The following NR3C1 variants were observed in gnomAD, a reference collection of about 807,000 sequenced individuals.
The protein encoded by NR3C1 is glucocorticoid receptor.
Under a neutral mutation model 74.0 loss-of-function variants are expected in NR3C1, and 14 were observed. That is an observed-to-expected ratio of 0.19 (90% CI 0.12 to 0.30). The LOEUF (loss-of-function observed/expected upper bound fraction) is 0.30. Ranked by LOEUF, NR3C1 falls within the 10% of genes least tolerant of loss-of-function variation. NR3C1 has a pLI of 1.00. For missense variants in NR3C1, 695 were observed against 909.8 expected (o/e 0.76, Z 3.04); for synonymous variants, 308 against 332.5 (o/e 0.93, Z 0.80).
chr5:143,298,564 G>C, intron 6 of NR3C1, 104 bp downstream of exon 6: 1 of 1,263,316 alleles, frequency 7.9e-7, no homozygotes. Context: ...TACCTAGTAG[G>C]ATTGTTTCAG....
chr5:143,359,225 T>C (rs2151814996), intron 2 of NR3C1, among the ~76,000 whole-genome samples: 2 of 152,288 alleles, frequency 1.3e-5, no homozygotes, highest in South Asian at 4.1e-4. Flanking sequence ...CGTATAAAAA[T>C]AAAGCCCAAA....
chr5:143,427,000 C>T lies in NR3C1; in HGVS notation c.-14+7532G>A, dbSNP rs182814697. On this transcript the variant is annotated intron_variant, in intron 1 of 8. Transcript: ENST00000343796. Reference sequence around the variant, plus strand: ...AGTCCATAAATCATACAGACTTAACCTTGTTTATTAAAGCAGGTCTTTTTC... The same window carrying T: ...AGTCCATAAATCATACAGACTTAACTTTGTTTATTAAAGCAGGTCTTTTTC... 2.6e-5 allele frequency among the ~76,000 whole-genome samples: 4 copies of T among 152,276 alleles called. No homozygotes were observed. The East Asian group carries it at 7.7e-4, about 29-fold the overall frequency.
intron 6 of NR3C1, 63 bp downstream of exon 6, chr5:143,298,605 G>A: frequency 6.4e-7 from 1 of 1,550,544 alleles, no homozygotes; most frequent in Non-Finnish European, 8.9e-7. Context: ...AGTCAATCAG[G>A]AAAACATCAG....
chr5:143,417,654 G>A (rs115535359), intron 1 of NR3C1, among the ~76,000 whole-genome samples: 2 of 152,228 alleles, frequency 1.3e-5, no homozygotes, highest in South Asian at 4.1e-4. Flanking sequence ...CAGAAAGTGA[G>A]ATAGCCCTGT....
rs145740393 is a variant in NR3C1 at position 143,374,308 on chromosome 5, C to G, written c.1184+25348G>C. 6.6e-5 allele frequency among the ~76,000 whole-genome samples: 10 copies of G among 152,038 alleles called. No individual in the cohort carries two copies. In the East Asian group the frequency reaches 1.2e-3, roughly 18 times the overall value. On this transcript the variant is annotated intron_variant, in intron 2 of 8. Coordinates refer to ENST00000394464, the MANE Select transcript of NR3C1 (RefSeq NM_000176.3). ...GAGATCGGGACCATCCTGGCTAACACAGTGAAACCCCGACTCTACTAAAAA... is the reference window on the plus strand; with the variant it reads ...GAGATCGGGACCATCCTGGCTAACAGAGTGAAACCCCGACTCTACTAAAAA...
At chr5:143,350,182 A>G (rs1829987131) in intron 2 of NR3C1, among the ~76,000 whole-genome samples, 1 of 152,154 alleles carries the variant, frequency 6.6e-6, no homozygotes, top group Non-Finnish European at 1.5e-5. Flanking sequence ...TAAAGAGGGG[A>G]CTAATCTGAT....
intron 2 of NR3C1, among the ~76,000 whole-genome samples, chr5:143,353,748 C>T (rs1473554299): frequency 1.3e-5 from 2 of 152,056 alleles, no homozygotes; most frequent in Non-Finnish European, 2.9e-5. Flanking sequence ...TTCTAGAGTA[C>T]AAGCAGAGTA....
chr5:143,281,918 T>G lies in NR3C1; in HGVS notation c.2305A>C (p.Ile769Leu). Residue 769 changes from isoleucine to leucine, a missense_variant, in exon 9 of 9, where the codon ATC (isoleucine) becomes CTC (leucine). Transcript: ENST00000394464. ...TTTTGATGAAACAGAAGTTTTTTGA[T>G]ATTTCCATTTGAATATTTTGGTATC... ...NQIPKYSNGN[I>L]KKLLFHQK The G allele has an allele frequency of 6.2e-7, 1 of 1,613,634 alleles. No homozygotes were observed. The highest frequency in any genetic ancestry group is 8.5e-7 in the Non-Finnish European group (1 of 1,179,696).
At chr5:143,424,439 A>G (rs1600683752) in intron 1 of NR3C1, among the ~76,000 whole-genome samples, 1 of 152,126 alleles carries the variant, frequency 6.6e-6, no homozygotes. Context: ...TGATTTGATC[A>G]TTATATGGTG....
intron 6 of NR3C1, among the ~76,000 whole-genome samples, chr5:143,298,128 A>G (rs1331018833): frequency 6.6e-6 from 1 of 152,228 alleles, no homozygotes; most frequent in Non-Finnish European, 1.5e-5. Context: ...AGCTTAGAGG[A>G]TAAGAGAATA....
intron 2 of NR3C1, among the ~76,000 whole-genome samples, chr5:143,377,626 G>A (rs982850995): frequency 4.6e-5 from 7 of 152,232 alleles, no homozygotes; most frequent in Non-Finnish European, 5.9e-5. Flanking sequence ...GCAGTGCAGC[G>A]CTGAAAAGGT....
At chr5:143,328,808 C>T (rs1293169605) in intron 2 of NR3C1, among the ~76,000 whole-genome samples, 3 of 152,150 alleles carry the variant, frequency 2.0e-5, no homozygotes, top group Non-Finnish European at 4.4e-5. Context: ...CTCCAGTTCC[C>T]AATAAGTTCC....
intron 2 of NR3C1, among the ~76,000 whole-genome samples, chr5:143,360,831 C>T (rs909443856): frequency 1.3e-5 from 2 of 152,124 alleles, no homozygotes; most frequent in Non-Finnish European, 2.9e-5. Flanking sequence ...AAGTTAGATA[C>T]ATGTAAATAC....
At chr5:143,431,108 G>A (rs183027572) in intron 1 of NR3C1, among the ~76,000 whole-genome samples, 97 of 152,258 alleles carry the variant, frequency 6.4e-4, no homozygotes, top group African/African-American at 2.0e-3. Context: ...GTCCCTTTCT[G>A]GGGCCACAGG....
chr5:143,419,989 G>A (rs2151959033), intron 1 of NR3C1, among the ~76,000 whole-genome samples: 2 of 152,222 alleles, frequency 1.3e-5, no homozygotes, highest in South Asian at 4.1e-4. Context: ...CTTTCTCAGG[G>A]ATGTTCCTTG....
chr5:143,406,135 CAT>C (rs869241952), upstream of NR3C1, among the ~76,000 whole-genome samples: 34 of 150,704 alleles, frequency 2.3e-4, no homozygotes, highest in African/African-American at 7.5e-4. Context: ...ATATTATATA[CAT>C]ATATATGTAT....
chr5:143,383,224 T>C (rs1220047263), intron 2 of NR3C1, among the ~76,000 whole-genome samples: 1 of 152,238 alleles, frequency 6.6e-6, no homozygotes, highest in Non-Finnish European at 1.5e-5. Flanking sequence ...GCCTCACATA[T>C]AGTAACTGCT....
intron 2 of NR3C1, among the ~76,000 whole-genome samples, chr5:143,369,803 A>C (rs150676519): frequency 9.2e-5 from 14 of 152,346 alleles, no homozygotes; most frequent in African/African-American, 3.1e-4. Context: ...TTAATCTATT[A>C]AAAAGCAAAA....
intron 1 of NR3C1, among the ~76,000 whole-genome samples, chr5:143,412,962 ACTTT>A (rs965385163): frequency 1.3e-5 from 2 of 152,184 alleles, no homozygotes; most frequent in South Asian, 2.1e-4. Context: ...AATAGAAGAG[ACTTT>A]CTTAATTAAT....
Sources: allele counts gnomAD v4.1 joint callset (sites outside exome capture counted in the v4.1 genomes callset), GRCh38; gene constraint gnomAD v4.1.1; transcripts MANE v1.5; gene names NCBI Gene and HGNC (gene_info 2026-07-23, HGNC 2026-07-21).